The following AIG1 variants were observed in gnomAD, a reference collection of about 807,000 sequenced individuals.
AIG1 encodes androgen induced 1.
In AIG1, 23 loss-of-function variants were observed where a neutral mutation model predicts 31.4. That is an observed-to-expected ratio of 0.73 (90% CI 0.53 to 1.04). AIG1 has a LOEUF of 1.04. AIG1 is among the 50% of genes least tolerant of loss of function. AIG1 has a pLI of 0.00. For synonymous variants in AIG1, 100 were observed against 110.5 expected, an observed-to-expected ratio of 0.90 and a Z score of 0.60; for missense variants, 274 against 295.0, an observed-to-expected ratio of 0.93 and a Z score of 0.52.
At chr6:143,315,043 C>A (rs1775624584) in intron 4 of AIG1, among the ~76,000 whole-genome samples, 1 of 152,092 alleles carries the variant, frequency 6.6e-6, no homozygotes. Context: ...TAGAATTTTA[C>A]ATATTCAGTG....
rs982944503 is a variant in AIG1, at chr6:143,265,118, C to A, written c.400-18992C>A. Among the ~76,000 whole-genome samples the A allele has an allele frequency of 4.6e-5, 7 of 152,108 alleles. No homozygotes were observed. The East Asian group carries it at 1.3e-3, about 29-fold the overall frequency. The stretch of plus-strand genomic sequence containing the variant: ...TCTCATTACTTGTTATCATCCAGGT[C>A]ATTTGCATTTATGTCCTTCTCCTTT... On this transcript the variant is annotated intron_variant, in intron 3 of 5. Transcript: ENST00000357847.
intron 3 of AIG1, among the ~76,000 whole-genome samples, chr6:143,186,185 G>A (rs1789245883): frequency 6.6e-6 from 1 of 152,192 alleles, no homozygotes; most frequent in Non-Finnish European, 1.5e-5. Context: ...TCTCCATGGA[G>A]CCTTGTAAAC....
chr6:143,142,782 C>G (rs1318973411), intron 2 of AIG1, among the ~76,000 whole-genome samples: 2 of 152,158 alleles, frequency 1.3e-5, no homozygotes, highest in African/African-American at 4.8e-5. Context: ...ATTCTAGAAT[C>G]CTTTAAAACT....
chr6:143,231,187 G>A (rs1793416139), intron 3 of AIG1, among the ~76,000 whole-genome samples: 1 of 152,148 alleles, frequency 6.6e-6, no homozygotes, highest in Non-Finnish European at 1.5e-5. Context: ...CATAGCAAGT[G>A]TTCATTACAT....
intron 1 of AIG1, among the ~76,000 whole-genome samples, chr6:143,071,778 T>C (rs1777301214): frequency 6.7e-6 from 1 of 150,078 alleles, no homozygotes; most frequent in African/African-American, 2.5e-5. Flanking sequence ...TTTTCTTTTC[T>C]TGTGTGTGTG....
Position 143,334,180 on chromosome 6 carries a change from G to T in AIG1, c.679+735G>T. The T allele has an allele frequency of 7.3e-7, 1 of 1,376,638 alleles. No individual in the cohort carries two copies. Among genetic ancestry groups the T allele is most frequent in the Non-Finnish European group, 1.0e-6 (1 of 999,442 alleles). 85.3% of individuals were successfully genotyped at this position (1,376,638 alleles called of 1,614,324 possible). On this transcript the variant is annotated intron_variant, in intron 5 of 5. Transcript: ENST00000357847. This position sits in a 1 kb window ranked among gnomAD's most constrained non-coding sequence, Gnocchi z 5.1. ...AAATTGAAAGGTGGAAAAAGCGCCA[G>T]CACAGACATGTAGTGATTGAGTCCT...
intron 3 of AIG1, among the ~76,000 whole-genome samples, chr6:143,246,067 G>A (rs186422398): frequency 1.1e-4 from 17 of 152,172 alleles, no homozygotes; most frequent in African/African-American, 3.9e-4. Flanking sequence ...TTAGAAATTC[G>A]CTTTGGGTCA....
intron 3 of AIG1, among the ~76,000 whole-genome samples, chr6:143,225,108 C>T (rs1209477120): frequency 1.3e-5 from 2 of 152,176 alleles, no homozygotes; most frequent in Non-Finnish European, 2.9e-5. Context: ...TCCCAACAGC[C>T]TTGCCTTCCC....
In AIG1 at chr6:143,331,217, T is replaced by A. The variant is rs1420027846; in HGVS notation, c.516-2065T>A. On this transcript the variant is annotated intron_variant, in intron 4 of 5. Transcript: ENST00000357847. The surrounding 1 kb of genome is among the most constrained non-coding windows in gnomAD (Gnocchi z 4.1). ...AATATACATAACATAATATTTGTCA[T>A]TTTAGCTATTTGCAAGTATACTATT... 1.3e-5 allele frequency among the ~76,000 whole-genome samples: 2 copies of A among 152,190 alleles called. No individual in the cohort carries two copies. The highest frequency in any genetic ancestry group is 4.8e-5 in the African/African-American group (2 of 41,436).
chr6:143,255,498 A>G (rs991774380), intron 3 of AIG1, among the ~76,000 whole-genome samples: 1 of 152,028 alleles, frequency 6.6e-6, no homozygotes, highest in African/African-American at 2.4e-5. Context: ...TACCAGCCCT[A>G]TTGCATTAGG....
At chr6:143,307,478 T>A (rs1484403566) in intron 4 of AIG1, among the ~76,000 whole-genome samples, 1 of 152,238 alleles carries the variant, frequency 6.6e-6, no homozygotes, top group African/African-American at 2.4e-5. Flanking sequence ...AGACCCTGTT[T>A]GCCTGGGTAA....
At chr6:143,304,677 C>CTAAAAT (rs1384719371) in intron 4 of AIG1, among the ~76,000 whole-genome samples, 2 of 150,918 alleles carry the variant, frequency 1.3e-5, no homozygotes, top group Non-Finnish European at 2.9e-5. Flanking sequence ...GGATATTGAT[C>CTAAAAT]TAAAATTCTC....
At chr6:143,085,047 C>G (rs971547712) in intron 1 of AIG1, among the ~76,000 whole-genome samples, 36 of 152,180 alleles carry the variant, frequency 2.4e-4, no homozygotes, top group Non-Finnish European at 3.1e-4. Flanking sequence ...AACATTACAT[C>G]TCTCCATGTC....
chr6:143,093,526 G>T (rs1281835856), intron 1 of AIG1, among the ~76,000 whole-genome samples: 1 of 152,172 alleles, frequency 6.6e-6, no homozygotes, highest in East Asian at 1.9e-4. Flanking sequence ...TATCATTTCA[G>T]TGTTCACTGG....
chr6:143,241,999 T>G (rs1292748047), intron 3 of AIG1, among the ~76,000 whole-genome samples: 1 of 152,180 alleles, frequency 6.6e-6, no homozygotes, highest in Admixed American at 6.5e-5. Flanking sequence ...TTCAAACTGC[T>G]TATGGTCCCA....
intron 3 of AIG1, among the ~76,000 whole-genome samples, chr6:143,247,901 A>G (rs1794724971): frequency 6.6e-6 from 1 of 152,162 alleles, no homozygotes; most frequent in Non-Finnish European, 1.5e-5. Context: ...GGAGGTCTTC[A>G]TCTTTCCATT....
At chr6:143,061,824 C>G (rs1246815473) in intron 1 of AIG1, among the ~76,000 whole-genome samples, 2 of 152,208 alleles carry the variant, frequency 1.3e-5, no homozygotes, top group African/African-American at 4.8e-5. Flanking sequence ...TTTTCTATTT[C>G]TGGCACTAAA....
At chr6:143,210,788 G>A (rs1791527012) in intron 3 of AIG1, among the ~76,000 whole-genome samples, 1 of 152,166 alleles carries the variant, frequency 6.6e-6, no homozygotes, top group African/African-American at 2.4e-5. Flanking sequence ...GAAACTGGGT[G>A]GAACATTTAT....
At chr6:143,187,906 A>G (rs1359524995) in intron 3 of AIG1, 7 of 1,354,922 alleles carry the variant, frequency 5.2e-6, no homozygotes, top group African/African-American at 2.9e-5. Context: ...TTGGTGTTGG[A>G]TGAACATGAA....
Sources: allele counts gnomAD v4.1 joint callset (sites outside exome capture counted in the v4.1 genomes callset), GRCh38; gene constraint gnomAD v4.1.1; non-coding constraint Gnocchi (gnomAD v3.1); transcripts MANE v1.5; gene names NCBI Gene and HGNC (gene_info 2026-07-23, HGNC 2026-07-21).